USP49: variants seen among roughly 807,000 people sequenced by gnomAD.
The protein encoded by USP49 is ubiquitin carboxyl-terminal hydrolase 49.
Under a neutral mutation model 58.6 loss-of-function variants are expected in USP49, and 24 were observed. The observed-to-expected ratio is 0.41, with a 90% CI of 0.30 to 0.58. The LOEUF (loss-of-function observed/expected upper bound fraction) is 0.58, where lower values mean the gene tolerates loss of function less well. Among genes scored for constraint, USP49 ranks in the 20% least tolerant of loss-of-function variants. The pLI is 0.30. For missense variants in USP49, 703 were observed against 866.1 expected (o/e 0.81, Z 2.36); for synonymous variants, 408 against 365.1 (o/e 1.12, Z -1.34).
rs183901780 is a variant in USP49 at position 41,818,338 on chromosome 6, C to T, written c.-28-11327G>A. Among the ~76,000 whole-genome samples the T allele has an allele frequency of 1.3e-3, 195 of 152,218 alleles. 1 individual carries two copies. Among genetic ancestry groups the T allele is most frequent in the African/African-American group, 4.3e-3 (177 of 41,508 alleles). On this transcript the variant is annotated intron_variant, in intron 3 of 7. Transcript: ENST00000682992. ...GGATTCTGAATACACTGGGAGAGCA[C>T]GTGTACACACACACACACATGCGCA...
At chr6:41,831,983 T>C (rs1027672309) in intron 3 of USP49, among the ~76,000 whole-genome samples, 2 of 152,242 alleles carry the variant, frequency 1.3e-5, no homozygotes, top group Non-Finnish European at 2.9e-5. Flanking sequence ...TGTCCTTTTT[T>C]AAAGGCTTTT....
intron 2 of USP49, among the ~76,000 whole-genome samples, chr6:41,882,626 G>GAAC (rs57774187): frequency 0.49 from 74,039 of 151,816 alleles, 18,121 homozygotes; most frequent in Middle Eastern, 0.51. Flanking sequence ...ATTCGGTAAA[G>GAAC]AACAAGGCAG....
chr6:41,870,046 T>C (rs542126845), intron 3 of USP49, among the ~76,000 whole-genome samples: 2 of 152,334 alleles, frequency 1.3e-5, no homozygotes, highest in South Asian at 4.1e-4. Flanking sequence ...CCACCATGGT[T>C]AACCGTATCT....
chr6:41,801,404 T>TG (rs1772995031), intron 5 of USP49, among the ~76,000 whole-genome samples: 4 of 152,164 alleles, frequency 2.6e-5, no homozygotes, highest in Non-Finnish European at 5.9e-5. Flanking sequence ...GACAATAGGA[T>TG]GTGGAGGTGT....
chr6:41,840,183 G>T (rs950746180), intron 3 of USP49, among the ~76,000 whole-genome samples: 1 of 151,700 alleles, frequency 6.6e-6, no homozygotes, highest in Non-Finnish European at 1.5e-5. Flanking sequence ...GACTATCCTG[G>T]CTAACACGGT....
intron 3 of USP49, among the ~76,000 whole-genome samples, chr6:41,870,779 G>A (rs1253784860): frequency 1.3e-5 from 2 of 150,616 alleles, no homozygotes; most frequent in Admixed American, 6.7e-5. Flanking sequence ...AGTGGCTCAC[G>A]CCTGTAATCC....
intron 3 of USP49, among the ~76,000 whole-genome samples, chr6:41,823,226 G>A (rs1378694822): frequency 6.6e-6 from 1 of 152,164 alleles, no homozygotes; most frequent in Non-Finnish European, 1.5e-5. Context: ...AGATGGAAAG[G>A]AGACTCAGTG....
chr6:41,883,057 A>C (rs1294358831), intron 2 of USP49, among the ~76,000 whole-genome samples: 2 of 152,138 alleles, frequency 1.3e-5, no homozygotes, highest in Non-Finnish European at 2.9e-5. Context: ...CAACAAGAAA[A>C]ATACAGGAAA....
chr6:41,886,723 C>G (rs1774718353), intron 2 of USP49, among the ~76,000 whole-genome samples: 6 of 152,120 alleles, frequency 3.9e-5, no homozygotes, highest in Admixed American at 3.9e-4. Flanking sequence ...ATGGCGAAAC[C>G]CCATCTCCAC....
At chr6:41,845,952 C>A (rs1325995241) in intron 3 of USP49, among the ~76,000 whole-genome samples, 2 of 152,058 alleles carry the variant, frequency 1.3e-5, no homozygotes, top group East Asian at 3.9e-4. Flanking sequence ...GTCTTCGCAG[C>A]CAAAAGGTAA....
At chr6:41,807,450 GGTTTT>G (rs1773160897) in intron 3 of USP49, among the ~76,000 whole-genome samples, 1 of 152,108 alleles carries the variant, frequency 6.6e-6, no homozygotes, top group Admixed American at 6.6e-5. Context: ...TTGTATATGT[GGTTTT>G]GTTTTGAGAC....
Position 41,803,938 on chromosome 6 carries a change from C to A in USP49, c.1429G>T (p.Glu477Ter). Residue 477 changes from glutamate to a stop codon, truncating the protein, a stop_gained, in exon 5 of 8, where the codon GAA (glutamate) becomes TAA (stop). Transcript: ENST00000682992. LOFTEE classifies it high-confidence loss of function. The surrounding 1 kb of genome is among the most constrained non-coding windows in gnomAD (Gnocchi z 4.1). ...PFWDLSLEFP[E>*]RYHCIEKGFV... Reference sequence around the variant, plus strand: ...CCCTTTTCTATGCAGTGATAGCGTTCAGGGAATTCCAGGGATAGGTCCCAA... The same window carrying A: ...CCCTTTTCTATGCAGTGATAGCGTTAAGGGAATTCCAGGGATAGGTCCCAA... 6.2e-7 allele frequency: 1 copy of A among 1,614,132 alleles called. No individual in the cohort carries two copies. The highest frequency in any genetic ancestry group is 8.5e-7 in the Non-Finnish European group (1 of 1,180,034).
chr6:41,829,449 G>A (rs1773598380), intron 3 of USP49, among the ~76,000 whole-genome samples: 1 of 152,132 alleles, frequency 6.6e-6, no homozygotes, highest in Non-Finnish European at 1.5e-5. Flanking sequence ...AAGTAGCTGG[G>A]ATTACAGGCA....
At chr6:41,825,837 GTAAA>G (rs1773528945) in intron 3 of USP49, among the ~76,000 whole-genome samples, 1 of 152,106 alleles carries the variant, frequency 6.6e-6, no homozygotes, top group Non-Finnish European at 1.5e-5. Context: ...ATAGCCAAGG[GTAAA>G]TAAAGAATAG....
At chr6:41,860,103 A>G (rs1774193826) in intron 3 of USP49, among the ~76,000 whole-genome samples, 3 of 152,194 alleles carry the variant, frequency 2.0e-5, no homozygotes, top group African/African-American at 7.2e-5. Context: ...AAATATACAC[A>G]CTTATTAAGT....
At position 41,799,958 on chromosome 6, in the gene USP49, A is replaced by G. The variant is rs1173097904; in HGVS notation, c.1562-20T>C. The stretch of plus-strand genomic sequence containing the variant: ...GTTTGCCTATGTGGTTTGGGAAGGT[A>G]TAAGACATAGGTTGTGAGGAGTTTT... On this transcript the variant is annotated intron_variant, in intron 5 of 7. Coordinates refer to ENST00000682992, the MANE Select transcript of USP49 (RefSeq NM_001286554.2). The G allele has an allele frequency of 2.0e-5, 32 of 1,610,556 alleles. No homozygotes were observed. The highest frequency in any genetic ancestry group is 2.7e-5 in the African/African-American group (2 of 74,994).
intron 3 of USP49, among the ~76,000 whole-genome samples, chr6:41,853,584 A>G (rs1483975692): frequency 1.3e-5 from 2 of 152,240 alleles, no homozygotes; most frequent in South Asian, 2.1e-4. Flanking sequence ...CATTTGTCCA[A>G]TGTAAGATCT....
intron 2 of USP49, among the ~76,000 whole-genome samples, chr6:41,884,278 C>T (rs1774669635): frequency 6.6e-6 from 1 of 152,172 alleles, no homozygotes; most frequent in Admixed American, 6.5e-5. Flanking sequence ...CCACCTTGGC[C>T]TCCCAAAGTG....
chr6:41,889,394 A>G (rs1259755087), intron 2 of USP49, among the ~76,000 whole-genome samples: 4 of 152,214 alleles, frequency 2.6e-5, no homozygotes, highest in South Asian at 2.1e-4. Context: ...TTGAAGCTAC[A>G]TAAGAGTCTT....
Sources: allele counts gnomAD v4.1 joint callset (sites outside exome capture counted in the v4.1 genomes callset), GRCh38; gene constraint gnomAD v4.1.1; non-coding constraint Gnocchi (gnomAD v3.1); transcripts MANE v1.5; gene names NCBI Gene and HGNC (gene_info 2026-07-23, HGNC 2026-07-21).